Variants in CGNL1 observed in about 807,000 individuals in gnomAD.
CGNL1 encodes cingulin like 1, also known as cingulin-like protein 1.
In CGNL1, 132 loss-of-function variants were observed where a neutral mutation model predicts 141.2. That is an observed-to-expected ratio of 0.93 (90% CI 0.81 to 1.08). The LOEUF is 1.08. Among genes scored for constraint, CGNL1 ranks in the 50% least tolerant of loss-of-function variants. The pLI, the probability that CGNL1 is intolerant of heterozygous loss-of-function variation, is 0.00. For synonymous variants in CGNL1, 690 were observed against 622.1 expected, an observed-to-expected ratio of 1.11 and a Z score of -1.63; for missense variants, 1,870 against 1,588.6, an observed-to-expected ratio of 1.18 and a Z score of -3.01.
intron 1 of CGNL1, among the ~76,000 whole-genome samples, chr15:57,385,182 T>G (rs2152220692): frequency 6.6e-6 from 1 of 152,206 alleles, no homozygotes; most frequent in Middle Eastern, 3.4e-3. Context: ...CCTGGTAAGG[T>G]TCAAGTCCAC....
rs776579342 is a variant in CGNL1, at chr15:57,546,140, T to C, written c.3674T>C (p.Leu1225Pro). Residue 1225 changes from leucine (L) to proline (P), a missense_variant, in exon 18 of 19, where the codon CTG (leucine) becomes CCG (proline). By Grantham distance (98) the Leu-to-Pro change is moderately conservative. Coordinates refer to ENST00000281282, the MANE Select transcript of CGNL1 (RefSeq NM_032866.5). The part of the protein sequence containing the change: ...VEEAEEEIDR[L>P]ESSKKKLQRE... Reference sequence around the variant, plus strand: ...GAGGCTGAGGAGGAAATCGACAGACTGGAAAGTTCTAAAAAGAAGCTGCAG... The same window carrying C: ...GAGGCTGAGGAGGAAATCGACAGACCGGAAAGTTCTAAAAAGAAGCTGCAG... The C allele has an allele frequency of 5.6e-6, 9 of 1,613,914 alleles. 1 individual carries two copies. The South Asian group carries it at 9.9e-5, about 18-fold the overall frequency.
chr15:57,446,029 G>C (rs189956634), intron 4 of CGNL1, among the ~76,000 whole-genome samples: 1 of 152,114 alleles, frequency 6.6e-6, no homozygotes, highest in African/African-American at 2.4e-5. Flanking sequence ...CTTGCATACA[G>C]GCTATGCAGA....
Position 57,461,740 on chromosome 15 carries a change from G to A in CGNL1, c.2251G>A (p.Asp751Asn). 6.2e-7 allele frequency: 1 copy of A among 1,614,138 alleles called. No homozygotes were observed. The highest frequency in any genetic ancestry group is 8.5e-7 in the Non-Finnish European group (1 of 1,180,016). Reference protein sequence around the residue: ...DLLIAKEEQEDLLRKRERELT... With the variant: ...DLLIAKEEQENLLRKRERELT... ...GCTGATTGCCAAAGAGGAGCAAGAA[G>A]ACCTCTTGAGAAAGCGAGAGCGTGA... The change falls in exon 8 of 19, where the codon GAC (aspartate) becomes AAC (asparagine). Residue 751 changes from aspartate (D) to asparagine (N), a missense_variant. By Grantham distance (23) the Asp-to-Asn change is conservative. Transcript: ENST00000281282.
rs746818235 is a variant in CGNL1, at chr15:57,438,708, G to T, written c.709G>T (p.Val237Phe). The change falls in exon 2 of 19, where the codon GTT becomes TTT. Residue 237 changes from valine (V) to phenylalanine (F), a missense_variant. Coordinates refer to ENST00000281282, the MANE Select transcript of CGNL1 (RefSeq NM_032866.5). The part of the protein sequence containing the change: ...PKKQTSVCVN[V>F]QSCTKERVGE... ...AAAGCAGACCTCAGTGTGTGTAAAC[G>T]TTCAGAGCTGCACCAAGGAGAGGGT... 4 of 1,614,024 alleles carry T rather than the reference G, an allele frequency of 2.5e-6. No individual in the cohort carries two copies. Among genetic ancestry groups the T allele is most frequent in the Non-Finnish European group, 3.4e-6 (4 of 1,180,046 alleles).
chr15:57,477,786 T>C (rs1294208630), intron 8 of CGNL1, among the ~76,000 whole-genome samples: 3 of 152,072 alleles, frequency 2.0e-5, no homozygotes, highest in African/African-American at 7.2e-5. Context: ...CCCTTGCAGG[T>C]TCAACTCATT....
At chr15:57,525,643 A>G (rs2031562668) in intron 12 of CGNL1, among the ~76,000 whole-genome samples, 1 of 152,216 alleles carries the variant, frequency 6.6e-6, no homozygotes, top group Non-Finnish European at 1.5e-5. Flanking sequence ...CGAGAGCACC[A>G]AGATTCCACA....
intron 1 of CGNL1, among the ~76,000 whole-genome samples, chr15:57,425,368 A>G (rs2062961243): frequency 6.6e-6 from 1 of 152,228 alleles, no homozygotes; most frequent in Admixed American, 6.5e-5. Flanking sequence ...TGTCTCAAAA[A>G]TAAAAATAAG....
chr15:57,392,181 T>G (rs559645418), intron 1 of CGNL1, among the ~76,000 whole-genome samples: 10 of 152,328 alleles, frequency 6.6e-5, no homozygotes, highest in Admixed American at 5.2e-4. Context: ...TATCACTGCA[T>G]GTATTACCTT....
At chr15:57,509,577 T>TG (rs1454960145) in intron 8 of CGNL1, among the ~76,000 whole-genome samples, 3 of 152,076 alleles carry the variant, frequency 2.0e-5, no homozygotes, top group Admixed American at 1.3e-4. Flanking sequence ...TATGGTGCCA[T>TG]GGGGGGTTTG....
chr15:57,415,325 A>G (rs1159077485), intron 1 of CGNL1, among the ~76,000 whole-genome samples: 1 of 152,222 alleles, frequency 6.6e-6, no homozygotes, highest in Non-Finnish European at 1.5e-5. Flanking sequence ...TATTTAGGAT[A>G]ATCACAAGAG....
intron 4 of CGNL1, among the ~76,000 whole-genome samples, chr15:57,450,557 T>G (rs904869555): frequency 6.6e-6 from 1 of 152,212 alleles, no homozygotes; most frequent in Non-Finnish European, 1.5e-5. Context: ...GATTACTGCA[T>G]GAGCCGCCCC....
At chr15:57,513,771 C>T (rs1487864720) in intron 8 of CGNL1, among the ~76,000 whole-genome samples, 1 of 152,184 alleles carries the variant, frequency 6.6e-6, no homozygotes, top group Non-Finnish European at 1.5e-5. Flanking sequence ...ATCTGCCCGC[C>T]TCGGCCTCCC....
chr15:57,394,060 C>G (rs1330997810), intron 1 of CGNL1: 1 of 146,632 alleles, frequency 6.8e-6, no homozygotes, highest in Non-Finnish European at 1.5e-5. Flanking sequence ...TCCCGAGTAG[C>G]TAGGACCACA....
At chr15:57,516,708 A>C in intron 8 of CGNL1, 72 bp from the exon 9 acceptor site, 2 of 1,491,550 alleles carry the variant, frequency 1.3e-6, no homozygotes, top group South Asian at 2.4e-5. Flanking sequence ...CATAAATGCC[A>C]GCCATTCTTC....
intron 1 of CGNL1, among the ~76,000 whole-genome samples, chr15:57,401,024 T>C (rs943524808): frequency 2.0e-5 from 3 of 152,158 alleles, no homozygotes; most frequent in Non-Finnish European, 4.4e-5. Flanking sequence ...ATAATTTTTT[T>C]TTAGATTTTT....
chr15:57,524,993 T>C (rs6493933), intron 12 of CGNL1, among the ~76,000 whole-genome samples: 65,650 of 152,014 alleles, frequency 0.43, 14,569 homozygotes, highest in Middle Eastern at 0.52. Flanking sequence ...GATGAATCTA[T>C]AATTTTTTGC....
chr15:57,377,632 T>C lies in CGNL1; in HGVS notation c.-16+1065T>C, dbSNP rs568829663. On this transcript the variant is annotated intron_variant, in intron 1 of 18. Coordinates refer to ENST00000281282, the MANE Select transcript of CGNL1 (RefSeq NM_032866.5). The stretch of plus-strand genomic sequence containing the variant: ...ATTGGTGCTTTCCAACTTTAGACAG[T>C]AGATGGTGCCTTTACTGAAGATCCC... Among the ~76,000 whole-genome samples the C allele has an allele frequency of 7.2e-5, 11 of 152,226 alleles. No homozygotes were observed. In the East Asian group the frequency reaches 2.1e-3, roughly 29 times the overall value.
intron 8 of CGNL1, among the ~76,000 whole-genome samples, chr15:57,513,028 A>G (rs1311041981): frequency 6.6e-6 from 1 of 151,988 alleles, no homozygotes; most frequent in Non-Finnish European, 1.5e-5. Flanking sequence ...GAAATTGTAC[A>G]GTTCAGTGGT....
In CGNL1 at chr15:57,452,191, A is replaced by G; in HGVS notation, c.1956A>G (p.Glu652=). Reference sequence around the variant, plus strand: ...GAGAGAGGATGAGAGCAAACCTAGAAGAGCTCCGAAGCCAACACAACGAAA... The same window carrying G: ...GAGAGAGGATGAGAGCAAACCTAGAGGAGCTCCGAAGCCAACACAACGAAA... ...EERERMRANL[E]ELRSQHNEKV... is the part of the protein sequence containing the mutation. Residue 652 remains glutamate, a synonymous_variant, in exon 6 of 19, where the codon GAA becomes GAG. Coordinates refer to ENST00000281282, the MANE Select transcript of CGNL1 (RefSeq NM_032866.5). The G allele has an allele frequency of 6.2e-7, 1 of 1,614,034 alleles. No individual in the cohort carries two copies. The highest frequency in any genetic ancestry group is 8.5e-7 in the Non-Finnish European group (1 of 1,179,954).
Sources: allele counts gnomAD v4.1 joint callset (sites outside exome capture counted in the v4.1 genomes callset), GRCh38; gene constraint gnomAD v4.1.1; transcripts MANE v1.5; gene names NCBI Gene and HGNC (gene_info 2026-07-23, HGNC 2026-07-21).